The following SCAI variants were observed in gnomAD, a reference collection of about 807,000 sequenced individuals.
The protein encoded by SCAI is protein SCAI.
A neutral mutation model predicts 92.2 loss-of-function variants in SCAI; 24 were observed. The observed-to-expected ratio is 0.26, with a 90% confidence interval of 0.19 to 0.37. The LOEUF is 0.37. Ranked by LOEUF, SCAI falls within the 10% of genes least tolerant of loss-of-function variation. The pLI is 1.00. For missense variants in SCAI, 450 were observed against 736.2 expected (o/e 0.61, Z 4.50); for synonymous variants, 261 against 258.6 (o/e 1.01, Z -0.09).
chr9:125,020,953 TATTC>T (rs1405513092), intron 6 of SCAI, among the ~76,000 whole-genome samples, 184 bp from the exon 7 acceptor site: 1 of 152,222 alleles, frequency 6.6e-6, no homozygotes, highest in Non-Finnish European at 1.5e-5. Flanking sequence ...TTTACTCATA[TATTC>T]ATTCATTTAA....
At chr9:124,994,825 G>C (rs1419855739) in intron 14 of SCAI, 109 bp downstream of exon 14, 2 of 632,192 alleles carry the variant, frequency 3.2e-6, no homozygotes, top group African/African-American at 3.7e-5. Context: ...AATACAAACT[G>C]TGTAAAATTA....
chr9:125,012,585 C>T (rs201200102), intron 9 of SCAI, among the ~76,000 whole-genome samples: 27,420 of 152,022 alleles, frequency 0.18, 2,592 homozygotes, highest in East Asian at 0.24. Context: ...TAATGGGTGA[C>T]TTTAACACCC....
chr9:124,967,069 T>C (rs898437809), intron 17 of SCAI, among the ~76,000 whole-genome samples: 3 of 152,206 alleles, frequency 2.0e-5, no homozygotes, highest in African/African-American at 2.4e-5. Flanking sequence ...AGTTTTAATG[T>C]CCTGGAGCCT....
chr9:125,009,511 T>A (rs1193600399), intron 9 of SCAI, among the ~76,000 whole-genome samples: 1 of 151,864 alleles, frequency 6.6e-6, no homozygotes, highest in African/African-American at 2.4e-5. Context: ...CCTCAGGCGA[T>A]CTGCCCCACT....
At chr9:124,979,553 A>T (rs551209207) in intron 14 of SCAI, among the ~76,000 whole-genome samples, 5 of 152,046 alleles carry the variant, frequency 3.3e-5, no homozygotes, top group African/African-American at 7.2e-5. Context: ...AAATAAAAAT[A>T]AAAAAAAGAC....
chr9:125,135,500 A>G (rs1323235280), intron 2 of SCAI, among the ~76,000 whole-genome samples: 1 of 151,990 alleles, frequency 6.6e-6, no homozygotes, highest in Admixed American at 6.6e-5. Context: ...AAAAACAGAA[A>G]AAATTAGCTG....
rs573547020 is a variant in SCAI at position 125,017,510 on chromosome 9, C to T, written c.861+1289G>A. 3.3e-5 allele frequency among the ~76,000 whole-genome samples: 5 copies of T among 151,938 alleles called. 1 individual carries two copies. Among genetic ancestry groups the T allele is most frequent in the African/African-American group, 1.2e-4 (5 of 41,444 alleles). ...CATAAAAGCCAAAAATGGAGAAATA[C>T]CAGAAAAATTTAACAATAACAAAAG... On this transcript the variant is annotated intron_variant, in intron 9 of 17. Transcript: ENST00000336505.
At chr9:125,136,780 T>A (rs1835543297) in intron 2 of SCAI, among the ~76,000 whole-genome samples, 1 of 149,720 alleles carries the variant, frequency 6.7e-6, no homozygotes, top group Non-Finnish European at 1.5e-5. Context: ...TTTTTTTTTT[T>A]TTTTTTGAGA....
chr9:125,121,035 C>T (rs1835146908), intron 2 of SCAI, among the ~76,000 whole-genome samples: 1 of 151,882 alleles, frequency 6.6e-6, no homozygotes, highest in African/African-American at 2.4e-5. Flanking sequence ...TGCCATTATC[C>T]TAGCAACTAC....
At chr9:124,968,088 C>A (rs1226708356) in intron 17 of SCAI, among the ~76,000 whole-genome samples, 1 of 152,082 alleles carries the variant, frequency 6.6e-6, no homozygotes, top group Non-Finnish European at 1.5e-5. Flanking sequence ...GGAAATCAGA[C>A]AATTAATCCA....
intron 9 of SCAI, among the ~76,000 whole-genome samples, chr9:125,012,698 C>T (rs1832665024): frequency 6.6e-6 from 1 of 152,150 alleles, no homozygotes; most frequent in African/African-American, 2.4e-5. Context: ...ATCTACAGAA[C>T]TCTCCACCCC....
chr9:125,003,578 A>G lies in SCAI; in HGVS notation c.862-8T>C. ...TAGTTCACTGAACTTAACCTGCAAGAAAAAAAAAAACAAACACAACCTAGC... is the reference window on the plus strand; with the variant it reads ...TAGTTCACTGAACTTAACCTGCAAGGAAAAAAAAAACAAACACAACCTAGC... On this transcript the variant is annotated splice_region_variant and splice_polypyrimidine_tract_variant and intron_variant, in intron 9 of 17. Transcript: ENST00000336505. 1 of 1,092,498 alleles carries G rather than the reference A, an allele frequency of 9.2e-7. No individual in the cohort carries two copies. Among genetic ancestry groups the G allele is most frequent in the African/African-American group, 1.6e-5 (1 of 61,036 alleles). 67.7% of individuals were successfully genotyped at this position (1,092,498 alleles called of 1,614,324 possible). A position where few individuals can be genotyped will look rare whatever the true frequency, so the allele number is the denominator to read the frequency against.
chr9:125,000,446 T>C (rs1832332433), intron 12 of SCAI, among the ~76,000 whole-genome samples: 1 of 152,068 alleles, frequency 6.6e-6, no homozygotes. Context: ...GGCCAGGAGT[T>C]CCAGACCAGC....
intron 2 of SCAI, among the ~76,000 whole-genome samples, chr9:125,138,080 T>C (rs915494225): frequency 2.2e-4 from 33 of 152,172 alleles, no homozygotes; most frequent in African/African-American, 7.7e-4. Flanking sequence ...CTTTATCTGC[T>C]TCTTTCATTT....
Position 125,115,370 on chromosome 9 carries a change from C to CAAAAAA in SCAI, c.98+27257_98+27262dup, listed in dbSNP as rs58814200. Among the ~76,000 whole-genome samples, 24 of 52,430 alleles carry CAAAAAA rather than the reference C, an allele frequency of 4.6e-4. 2 individuals are homozygous for CAAAAAA. Among genetic ancestry groups the CAAAAAA allele is most frequent in the African/African-American group, 1.7e-3 (22 of 13,212 alleles). 34.4% of individuals were successfully genotyped at this position (52,430 alleles called of 152,430 possible). On this transcript the variant is annotated intron_variant, in intron 2 of 17. Transcript: ENST00000336505. ...CTGGGTGACAGAGCGAGACTCTCCTCAAAAAAAAAAAAAAAAAAAAAAAAC... is the reference window on the plus strand; with the variant it reads ...CTGGGTGACAGAGCGAGACTCTCCTCAAAAAAAAAAAAAAAAAAAAAAAAAAAAAAC...
At chr9:125,003,087 T>G (rs375816098) in intron 11 of SCAI, 27 bp downstream of exon 11, 5 of 1,409,994 alleles carry the variant, frequency 3.5e-6, no homozygotes, top group Non-Finnish European at 5.0e-6. Flanking sequence ...TTTCACCTCA[T>G]AGTAAAAAGT....
chr9:125,038,913 T>C (rs958987608), intron 3 of SCAI, among the ~76,000 whole-genome samples: 5 of 152,222 alleles, frequency 3.3e-5, no homozygotes, highest in Admixed American at 6.5e-5. Context: ...TATCTCCTTA[T>C]AGTTCTATGC....
intron 2 of SCAI, among the ~76,000 whole-genome samples, chr9:125,123,572 C>G (rs1019535864): frequency 6.6e-6 from 1 of 152,068 alleles, no homozygotes; most frequent in Non-Finnish European, 1.5e-5. Flanking sequence ...GTCAGGAGAT[C>G]GAGAACATCC....
chr9:125,081,150 T>C (rs1834206707), intron 2 of SCAI, among the ~76,000 whole-genome samples: 2 of 152,136 alleles, frequency 1.3e-5, no homozygotes, highest in African/African-American at 4.8e-5. Context: ...AGAGTGAAAA[T>C]GGAATAATAC....
Sources: allele counts gnomAD v4.1 joint callset (sites outside exome capture counted in the v4.1 genomes callset), GRCh38; gene constraint gnomAD v4.1.1; transcripts MANE v1.5; gene names NCBI Gene and HGNC (gene_info 2026-07-23, HGNC 2026-07-21).